Variants in MYH11 observed in about 807,000 individuals in gnomAD.
MYH11 encodes the protein myosin heavy chain 11.
Under a neutral mutation model 246.6 loss-of-function variants are expected in MYH11, and 80 were observed. The ratio of observed to expected loss-of-function variants is 0.32; its 90% confidence interval spans 0.27 to 0.39. The LOEUF (loss-of-function observed/expected upper bound fraction) is 0.39, where lower values mean the gene tolerates loss of function less well. Ranked by LOEUF, MYH11 falls within the 10% of genes least tolerant of loss-of-function variation. The pLI, the probability that MYH11 is intolerant of heterozygous loss-of-function variation, is 1.00. For synonymous variants in MYH11, 1,071 were observed against 1,015.5 expected (o/e 1.05, Z -1.04); for missense variants, 2,158 against 2,546.8 (o/e 0.85, Z 3.29).
intron 3 of MYH11, among the ~76,000 whole-genome samples, chr16:15,818,579 C>T (rs920113678): frequency 3.3e-5 from 5 of 152,100 alleles, no homozygotes; most frequent in African/African-American, 1.2e-4. Flanking sequence ...GGACTACAGG[C>T]GCCTGCCACT....
intron 37 of MYH11, 127 bp from the exon 38 acceptor site, chr16:15,717,475 C>G (rs1257899849): frequency 1.1e-6 from 1 of 931,542 alleles, no homozygotes; most frequent in Middle Eastern, 3.3e-4. Context: ...CCTGTCCTCT[C>G]CTTCATCCTG....
chr16:15,717,772 G>A (rs1212433451), intron 37 of MYH11: 9 of 278,702 alleles, frequency 3.2e-5, no homozygotes, highest in Non-Finnish European at 3.5e-5. Flanking sequence ...CTCCAGCCTG[G>A]GCCACAGAGA....
intron 8 of MYH11, 32 bp downstream of exon 8, chr16:15,776,046 C>T (rs2151296013): frequency 3.4e-6 from 5 of 1,480,938 alleles, no homozygotes; most frequent in Non-Finnish European, 4.7e-6. Context: ...AGGCTCAAGC[C>T]ATCCAATCAC....
At chr16:15,809,368 C>T (rs2043088300) in intron 3 of MYH11, among the ~76,000 whole-genome samples, 1 of 151,424 alleles carries the variant, frequency 6.6e-6, no homozygotes, top group African/African-American at 2.4e-5. Flanking sequence ...CTCATCTCTA[C>T]AAAAAATCAA....
At chr16:15,778,025 G>A (rs1403998194) in intron 7 of MYH11, among the ~76,000 whole-genome samples, 3 of 152,008 alleles carry the variant, frequency 2.0e-5, no homozygotes, top group Non-Finnish European at 4.4e-5. Context: ...GCTAAGTCAG[G>A]CCCCCAGGTC....
intron 26 of MYH11, 44 bp downstream of exon 26, chr16:15,735,322 G>T: frequency 1.9e-6 from 3 of 1,602,974 alleles, no homozygotes; most frequent in Non-Finnish European, 2.6e-6. Flanking sequence ...CCATCCCATT[G>T]GTGCAGTGGG....
At chr16:15,771,435 CTTTTTTTTT>C in intron 9 of MYH11, 125 bp downstream of exon 9, 3 of 703,374 alleles carry the variant, frequency 4.3e-6, no homozygotes, top group East Asian at 2.8e-5. Flanking sequence ...CATTTTCCTC[CTTTTTTTTT>C]TTTTTTTTTA....
At chr16:15,753,366 A>G in intron 15 of MYH11, 28 bp downstream of exon 15, 3 of 1,596,124 alleles carry the variant, frequency 1.9e-6, no homozygotes, top group Non-Finnish European at 2.6e-6. Context: ...TCAAAGCAGA[A>G]CATGGACCCG....
At chr16:15,812,080 T>C (rs1290443164) in intron 3 of MYH11, among the ~76,000 whole-genome samples, 1 of 152,124 alleles carries the variant, frequency 6.6e-6, no homozygotes, top group Non-Finnish European at 1.5e-5. Flanking sequence ...CTGTCAACAC[T>C]CTGAGATGAA....
At chr16:15,809,544 T>C (rs1021320612) in intron 3 of MYH11, among the ~76,000 whole-genome samples, 2 of 149,580 alleles carry the variant, frequency 1.3e-5, no homozygotes, top group Non-Finnish European at 3.0e-5. Context: ...AAAAAAATGC[T>C]GTTGGATAAA....
chr16:15,804,331 G>C (rs1040300165), intron 3 of MYH11, among the ~76,000 whole-genome samples: 1 of 152,094 alleles, frequency 6.6e-6, no homozygotes, highest in Non-Finnish European at 1.5e-5. Flanking sequence ...GGGAGTTTGA[G>C]ACCAACACGG....
chr16:15,833,368 AGAGG>A (rs1330393291), intron 2 of MYH11, among the ~76,000 whole-genome samples: 23 of 131,332 alleles, frequency 1.8e-4, no homozygotes, highest in South Asian at 5.1e-4. Flanking sequence ...GAAGAAAGAG[AGAGG>A]GAGGGAGGGA....
At chr16:15,708,738 C>T (rs569219458) in intron 40 of MYH11, 63 of 1,517,222 alleles carry the variant, frequency 4.2e-5, no homozygotes, top group African/African-American at 2.9e-4. Flanking sequence ...GGCAGAGGGG[C>T]GCATTGGGCA....
chr16:15,770,638 C>G (rs1009357861), intron 9 of MYH11, among the ~76,000 whole-genome samples: 7 of 152,130 alleles, frequency 4.6e-5, no homozygotes, highest in African/African-American at 1.7e-4. Flanking sequence ...CCACATGTTC[C>G]TGATGAGGCC....
chr16:15,751,461 C>CCAT (rs377609666), intron 15 of MYH11, among the ~76,000 whole-genome samples: 4,696 of 150,302 alleles, frequency 0.031, 103 homozygotes, highest in South Asian at 0.072. Context: ...CCGCGCCCGG[C>CCAT]CATCATCATC....
chr16:15,790,955 C>CTTTTTTTTT (rs770852667), intron 4 of MYH11: 2 of 118,238 alleles, frequency 1.7e-5, no homozygotes, highest in Non-Finnish European at 3.4e-5. Flanking sequence ...TTTTTCTTTT[C>CTTTTTTTTT]TTTTTTTTTT....
intron 34 of MYH11, 140 bp from the exon 35 acceptor site, chr16:15,719,853 C>G: frequency 1.5e-6 from 2 of 1,290,858 alleles, no homozygotes; most frequent in South Asian, 2.4e-5. Context: ...GCATGGCTCT[C>G]AGTTCCAGGT....
At position 15,738,597 on chromosome 16, in the gene MYH11, T is replaced by C. The variant is rs1207278935; in HGVS notation, c.3089A>G (p.Asn1030Ser). The part of the protein sequence containing the change: ...EKAKNLTKLK[N>S]KHESMISELE... Reference sequence around the variant, plus strand: ...TTCTGAAATCATAGATTCATGCTTGTTTTTCAGCTTGGTAAGATTCTTGGC... The same window carrying C: ...TTCTGAAATCATAGATTCATGCTTGCTTTTCAGCTTGGTAAGATTCTTGGC... The change falls in exon 24 of 41, where the codon AAC (asparagine) becomes AGC (serine). Residue 1030 changes from asparagine (N) to serine (S), a missense_variant. Asn to Ser is a conservative substitution (Grantham distance 46, BLOSUM62 1). Coordinates refer to ENST00000300036, the MANE Select transcript of MYH11 (RefSeq NM_002474.3). 1 of 1,614,024 alleles carries C rather than the reference T, an allele frequency of 6.2e-7. No individual in the cohort carries two copies. Among genetic ancestry groups the C allele is most frequent in the South Asian group, 1.1e-5 (1 of 91,010 alleles).
intron 40 of MYH11, among the ~76,000 whole-genome samples, chr16:15,707,959 CAAAAAAAA>C (rs59081092): frequency 1.6e-4 from 19 of 115,948 alleles, no homozygotes; most frequent in African/African-American, 5.7e-4. Context: ...GACTCCGTCT[CAAAAAAAA>C]AAAAAAAAAA....
Sources: allele counts gnomAD v4.1 joint callset (sites outside exome capture counted in the v4.1 genomes callset), GRCh38; gene constraint gnomAD v4.1.1; transcripts MANE v1.5; gene names NCBI Gene and HGNC (gene_info 2026-07-23, HGNC 2026-07-21).